The following ARHGAP25 variants were observed in gnomAD, a reference collection of about 807,000 sequenced individuals.
ARHGAP25 encodes Rho GTPase activating protein 25.
Under a neutral mutation model 71.0 loss-of-function variants are expected in ARHGAP25, and 34 were observed. The ratio of observed to expected loss-of-function variants is 0.48; its 90% confidence interval spans 0.36 to 0.64. The LOEUF is 0.64. ARHGAP25 is among the 30% of genes least tolerant of loss of function. ARHGAP25 has a pLI of 0.00. For synonymous variants in ARHGAP25, 282 were observed against 296.5 expected, an observed-to-expected ratio of 0.95 and a Z score of 0.50; for missense variants, 706 against 805.1, an observed-to-expected ratio of 0.88 and a Z score of 1.49.
chr2:68,713,842 A>G lies in ARHGAP25; in HGVS notation c.-18+3144A>G, dbSNP rs143592976. On this transcript the variant is annotated intron_variant and NMD_transcript_variant, in intron 2 of 7. Transcript: ENST00000463483. Reference sequence around the variant, plus strand: ...TGAACCCAGGAATGAAGCCAACTTGATCATGGTGGATAAGTTTTTTGATGT... The same window carrying G: ...TGAACCCAGGAATGAAGCCAACTTGGTCATGGTGGATAAGTTTTTTGATGT... Among the ~76,000 whole-genome samples, 1,169 of 152,290 alleles carry G rather than the reference A, an allele frequency of 7.7e-3. 21 individuals are homozygous for G. Among genetic ancestry groups the G allele is most frequent in the African/African-American group, 0.027 (1,111 of 41,550 alleles).
chr2:68,765,619 C>A (rs1356169147), intron 1 of ARHGAP25, among the ~76,000 whole-genome samples: 1 of 152,116 alleles, frequency 6.6e-6, no homozygotes, highest in Non-Finnish European at 1.5e-5. Context: ...AAGTATGCAT[C>A]CTTAAAAATA....
intron 1 of ARHGAP25, among the ~76,000 whole-genome samples, chr2:68,758,768 C>A (rs1196400093): frequency 6.6e-6 from 1 of 151,780 alleles, no homozygotes; most frequent in Non-Finnish European, 1.5e-5. Flanking sequence ...ATCTAAGAGA[C>A]ATATACAGAA....
chr2:68,725,525 C>T (rs549622569), intron 2 of ARHGAP25, among the ~76,000 whole-genome samples: 4 of 152,096 alleles, frequency 2.6e-5, no homozygotes, highest in African/African-American at 7.2e-5. Flanking sequence ...GAGATGGGGC[C>T]TCAACTGTGT....
At chr2:68,738,502 T>TG (rs1157230673) in intron 1 of ARHGAP25, among the ~76,000 whole-genome samples, 1 of 152,156 alleles carries the variant, frequency 6.6e-6, no homozygotes, top group Non-Finnish European at 1.5e-5. Context: ...ATTACCAAAC[T>TG]TACTATATGC....
upstream of ARHGAP25, among the ~76,000 whole-genome samples, chr2:68,729,935 A>G (rs970273744): frequency 6.6e-6 from 1 of 152,248 alleles, no homozygotes; most frequent in Admixed American, 6.5e-5. Flanking sequence ...CCAGATATTT[A>G]GCTATAAGAA....
At chr2:68,770,343 T>C (rs1367796489) in intron 1 of ARHGAP25, among the ~76,000 whole-genome samples, 1 of 152,196 alleles carries the variant, frequency 6.6e-6, no homozygotes, top group Non-Finnish European at 1.5e-5. Context: ...CATTTAAACA[T>C]GGTTCCCAAA....
At chr2:68,747,217 C>T (rs1405106540) in intron 1 of ARHGAP25, among the ~76,000 whole-genome samples, 1 of 152,002 alleles carries the variant, frequency 6.6e-6, no homozygotes, top group Non-Finnish European at 1.5e-5. Flanking sequence ...ACACTGTGCC[C>T]CCTGGCTTTC....
chr2:68,797,012 G>A (rs538245028), intron 4 of ARHGAP25, among the ~76,000 whole-genome samples: 34 of 152,292 alleles, frequency 2.2e-4, no homozygotes, highest in African/African-American at 7.0e-4. Flanking sequence ...AACAACGAGC[G>A]GTGGGGGTAG....
chr2:68,713,551 G>C (rs577640208), intron 2 of ARHGAP25, among the ~76,000 whole-genome samples: 1 of 152,188 alleles, frequency 6.6e-6, no homozygotes, highest in Non-Finnish European at 1.5e-5. Flanking sequence ...GGAGTGGTGA[G>C]AGAGGACATC....
At chr2:68,811,371 T>C (rs745328599) in intron 5 of ARHGAP25, among the ~76,000 whole-genome samples, 12 of 152,150 alleles carry the variant, frequency 7.9e-5, no homozygotes, top group Non-Finnish European at 1.3e-4. Flanking sequence ...TTTTGGACTT[T>C]GGGAGAATTC....
upstream of ARHGAP25, among the ~76,000 whole-genome samples, chr2:68,734,432 T>G (rs770356169): frequency 1.9e-4 from 29 of 152,174 alleles, no homozygotes; most frequent in Non-Finnish European, 4.1e-4. Flanking sequence ...TGAGATCACT[T>G]GCAAACTTTA....
At chr2:68,718,850 GC>G (rs1336862532) in intron 2 of ARHGAP25, among the ~76,000 whole-genome samples, 1 of 152,134 alleles carries the variant, frequency 6.6e-6, no homozygotes, top group Admixed American at 6.6e-5. Flanking sequence ...TAGGATAGGG[GC>G]TTGTCATCAG....
At chr2:68,796,307 A>G (rs1484741394) in intron 4 of ARHGAP25, among the ~76,000 whole-genome samples, 1 of 152,158 alleles carries the variant, frequency 6.6e-6, no homozygotes, top group Non-Finnish European at 1.5e-5. Flanking sequence ...TAAAATCAAT[A>G]TTTTGGATTC....
intron 1 of ARHGAP25, among the ~76,000 whole-genome samples, chr2:68,750,070 G>A (rs1676065647): frequency 1.3e-5 from 2 of 152,072 alleles, no homozygotes; most frequent in Admixed American, 6.5e-5. Context: ...ACAGCTGTGT[G>A]ATCACAGCTC....
Position 68,817,905 on chromosome 2 carries a change from T to C in ARHGAP25, c.914T>C (p.Val305Ala), listed in dbSNP as rs1443317024. The change falls in exon 8 of 11, where the codon GTT becomes GCT. Residue 305 changes from valine (V) to alanine (A), a missense_variant. Val to Ala is a moderately conservative substitution (Grantham distance 64). Transcript: ENST00000409202. ...CATGAAATACAGCTGAACTGTGCTGTTAACAAGATGAGTGTGGACAACCTG... is the reference window on the plus strand; with the variant it reads ...CATGAAATACAGCTGAACTGTGCTGCTAACAAGATGAGTGTGGACAACCTG... ...FLHEIQLNCA[V>A]NKMSVDNLAT... is the part of the protein sequence containing the mutation. 1 of 1,614,132 alleles carries C rather than the reference T, an allele frequency of 6.2e-7. No individual in the cohort carries two copies. Among genetic ancestry groups the C allele is most frequent in the Non-Finnish European group, 8.5e-7 (1 of 1,179,978 alleles).
intron 10 of ARHGAP25, among the ~76,000 whole-genome samples, chr2:68,824,295 G>T (rs567617633): frequency 7.2e-5 from 11 of 152,248 alleles, no homozygotes; most frequent in South Asian, 6.2e-4. Flanking sequence ...ATCAGTTGGG[G>T]AAGCCTCCCA....
intron 4 of ARHGAP25, among the ~76,000 whole-genome samples, chr2:68,802,694 G>C (rs922105767): frequency 1.9e-5 from 2 of 105,832 alleles, no homozygotes; most frequent in Non-Finnish European, 4.0e-5. Flanking sequence ...TGAACTTATG[G>C]GAATAGAGGA....
intron 4 of ARHGAP25, among the ~76,000 whole-genome samples, chr2:68,789,768 A>G (rs569498704): frequency 2.0e-5 from 3 of 152,236 alleles, no homozygotes; most frequent in East Asian, 1.9e-4. Context: ...TTCTGTGGCT[A>G]CTGTGATGCT....
chr2:68,805,682 G>A (rs530379075), intron 4 of ARHGAP25, among the ~76,000 whole-genome samples: 1 of 152,136 alleles, frequency 6.6e-6, no homozygotes, highest in African/African-American at 2.4e-5. Flanking sequence ...GCCTACGCTG[G>A]GTAGTGGGTA....
Sources: gnomAD v4.1 joint callset for allele counts (sites outside exome capture counted in the v4.1 genomes callset) on GRCh38, gnomAD v4.1.1 for gene constraint, MANE v1.5 for transcripts, NCBI Gene and HGNC (gene_info 2026-07-23, HGNC 2026-07-21) for gene names.